Variants in KCNH1 observed in about 807,000 individuals in gnomAD.
KCNH1 encodes voltage-gated delayed rectifier potassium channel KCNH1.
A neutral mutation model predicts 69.2 loss-of-function variants in KCNH1; 27 were observed. The observed-to-expected ratio is 0.39, with a 90% CI of 0.29 to 0.54. The LOEUF (loss-of-function observed/expected upper bound fraction) is 0.54. Among genes scored for constraint, KCNH1 ranks in the 20% least tolerant of loss-of-function variants. The pLI, the probability that KCNH1 is intolerant of heterozygous loss-of-function variation, is 0.68. For missense variants in KCNH1, 798 were observed against 1,261.6 expected, an observed-to-expected ratio of 0.63 and a Z score of 5.57; for synonymous variants, 456 against 487.7, an observed-to-expected ratio of 0.93 and a Z score of 0.86.
At chr1:210,946,765 C>T (rs538391890) in intron 6 of KCNH1, among the ~76,000 whole-genome samples, 1 of 152,276 alleles carries the variant, frequency 6.6e-6, no homozygotes, top group South Asian at 2.1e-4. Context: ...TTGAATTCCT[C>T]AGATCTGCTG....
At chr1:211,078,934 A>AAAGAAAG (rs1553377555) in intron 5 of KCNH1, among the ~76,000 whole-genome samples, 6 of 142,364 alleles carry the variant, frequency 4.2e-5, no homozygotes, top group Non-Finnish European at 9.2e-5. Context: ...AAAAAAAAAA[A>AAAGAAAG]AAAGAAAGAA....
intron 6 of KCNH1, among the ~76,000 whole-genome samples, chr1:210,944,161 A>G (rs965329203): frequency 1.3e-5 from 2 of 152,252 alleles, no homozygotes; most frequent in African/African-American, 4.8e-5. Flanking sequence ...TACCTGGATC[A>G]TAGAACTATT....
At chr1:210,685,117 T>C (rs1419437095) in intron 10 of KCNH1, among the ~76,000 whole-genome samples, 2 of 152,204 alleles carry the variant, frequency 1.3e-5, no homozygotes, top group African/African-American at 2.4e-5. Context: ...GAGTGCAGCA[T>C]AAGCCACAGC....
chr1:210,809,505 G>A (rs1423280515), intron 7 of KCNH1, among the ~76,000 whole-genome samples: 1 of 152,098 alleles, frequency 6.6e-6, no homozygotes, highest in African/African-American at 2.4e-5. Context: ...GAGGGACCAT[G>A]AATATTCATA....
At chr1:210,985,358 C>A (rs1233005441) in intron 6 of KCNH1, among the ~76,000 whole-genome samples, 3 of 152,120 alleles carry the variant, frequency 2.0e-5, no homozygotes, top group Admixed American at 2.0e-4. Context: ...TTTTCTAGTT[C>A]TTTTAATTGT....
At chr1:210,775,034 C>T (rs1210713769) in intron 10 of KCNH1, among the ~76,000 whole-genome samples, 3 of 152,020 alleles carry the variant, frequency 2.0e-5, no homozygotes, top group Admixed American at 6.6e-5. Context: ...CTAGCAACCT[C>T]ACATTTCACT....
intron 7 of KCNH1, among the ~76,000 whole-genome samples, chr1:210,834,327 C>T (rs1685233728): frequency 8.3e-6 from 1 of 120,398 alleles, no homozygotes; most frequent in Non-Finnish European, 1.8e-5. Context: ...AAATGTGGCA[C>T]ATATACACCA....
chr1:211,122,451 T>G (rs1388073754), intron 1 of KCNH1, among the ~76,000 whole-genome samples: 1 of 152,168 alleles, frequency 6.6e-6, no homozygotes, highest in Non-Finnish European at 1.5e-5. Flanking sequence ...AGAAATACTA[T>G]TTGACCCAGC....
At chr1:210,817,507 C>A (rs2102421935) in intron 7 of KCNH1, among the ~76,000 whole-genome samples, 1 of 152,278 alleles carries the variant, frequency 6.6e-6, no homozygotes, top group East Asian at 1.9e-4. Context: ...GTTTAAGTGA[C>A]TTCCCCAAAG....
intron 2 of KCNH1, among the ~76,000 whole-genome samples, chr1:211,106,287 A>C (rs553516277): frequency 6.6e-6 from 1 of 152,334 alleles, no homozygotes; most frequent in East Asian, 1.9e-4. Context: ...TCCAGGCTAT[A>C]TGTCTGGCTC....
chr1:211,048,758 T>C (rs1196995543), intron 5 of KCNH1, among the ~76,000 whole-genome samples: 1 of 152,214 alleles, frequency 6.6e-6, no homozygotes, highest in Non-Finnish European at 1.5e-5. Context: ...GCTCAGGTGA[T>C]GGGTGTACCA....
chr1:210,775,713 T>A (rs1213588541), intron 9 of KCNH1, among the ~76,000 whole-genome samples, 169 bp from the exon 10 acceptor site: 1 of 152,170 alleles, frequency 6.6e-6, no homozygotes, highest in South Asian at 2.1e-4. Context: ...CTTAACAACA[T>A]GCAGTTTAAG....
intron 5 of KCNH1, among the ~76,000 whole-genome samples, chr1:211,067,484 C>T (rs1254616510): frequency 3.3e-5 from 5 of 152,178 alleles, no homozygotes; most frequent in Non-Finnish European, 5.9e-5. Context: ...CTGGTAGAGC[C>T]TCTGTGGATC....
intron 6 of KCNH1, among the ~76,000 whole-genome samples, chr1:210,946,450 C>T (rs1383018220): frequency 3.9e-5 from 6 of 152,100 alleles, no homozygotes; most frequent in East Asian, 1.9e-4. Flanking sequence ...AAAACTAGGG[C>T]GCTTATTTGT....
chr1:210,924,553 G>C (rs1687528892), intron 6 of KCNH1, among the ~76,000 whole-genome samples: 2 of 151,818 alleles, frequency 1.3e-5, no homozygotes, highest in South Asian at 4.2e-4. Context: ...TTCCTTACTT[G>C]CCTGAGTTCA....
At chr1:210,859,227 G>A in intron 7 of KCNH1, 1 of 1,612,476 alleles carries the variant, frequency 6.2e-7, no homozygotes, top group Non-Finnish European at 8.5e-7. Context: ...GGCACAACTG[G>A]AGCACTGAAT....
intron 5 of KCNH1, among the ~76,000 whole-genome samples, chr1:211,070,053 A>C (rs1259683972): frequency 6.6e-6 from 1 of 152,206 alleles, no homozygotes; most frequent in African/African-American, 2.4e-5. Flanking sequence ...AGCAATAATC[A>C]CTGAGAATTT....
rs986094399 is a variant in KCNH1, at chr1:211,134,002, G to A, written c.-57C>T. 3 of 1,497,312 alleles carry A rather than the reference G, an allele frequency of 2.0e-6. No individual in the cohort carries two copies. The highest frequency in any genetic ancestry group is 2.8e-6 in the Non-Finnish European group (3 of 1,079,864). The allele number at this position is 1,497,312 out of a possible 1,614,324, so 92.8% of individuals were successfully genotyped here. A position where few individuals can be genotyped will look rare whatever the true frequency, so the allele number is the denominator to read the frequency against. ...CTGGCGCGGCTTCTTACGACAGCAG[G>A]AAACTGGCCTCGGGGCCCGCACGCA... On this transcript the variant is annotated 5_prime_UTR_variant, in exon 1 of 11. Transcript: ENST00000271751. This position sits in a 1 kb window ranked among gnomAD's most constrained non-coding sequence, Gnocchi z 5.7.
chr1:211,118,790 T>C (rs1691633107), intron 1 of KCNH1, among the ~76,000 whole-genome samples: 1 of 152,156 alleles, frequency 6.6e-6, no homozygotes. Flanking sequence ...AAATTGCTTT[T>C]CATCAAAATT....
Sources: allele counts gnomAD v4.1 joint callset (sites outside exome capture counted in the v4.1 genomes callset), GRCh38; gene constraint gnomAD v4.1.1; non-coding constraint Gnocchi (gnomAD v3.1); transcripts MANE v1.5; gene names NCBI Gene and HGNC (gene_info 2026-07-23, HGNC 2026-07-21).